RGS17: variants seen among roughly 807,000 people sequenced by gnomAD.
The protein encoded by RGS17 is regulator of G-protein signaling 17.
In RGS17, 12 loss-of-function variants were observed where a neutral mutation model predicts 25.5. The observed-to-expected ratio is 0.47, with a 90% CI of 0.30 to 0.76. The LOEUF is 0.76. Among genes scored for constraint, RGS17 ranks in the 30% least tolerant of loss-of-function variants. The probability of loss-of-function intolerance (pLI) is 0.07; values close to 1 mark genes in which losing one functional copy is unlikely to be tolerated. For missense variants in RGS17, 196 were observed against 242.2 expected, an observed-to-expected ratio of 0.81 and a Z score of 1.27; for synonymous variants, 71 against 76.9, an observed-to-expected ratio of 0.92 and a Z score of 0.40.
chr6:153,011,609 C>G lies in RGS17; in HGVS notation c.598G>C (p.Val200Leu), dbSNP rs149975740. 5.6e-6 allele frequency: 9 copies of G among 1,610,802 alleles called. No homozygotes were observed. Among genetic ancestry groups the G allele is most frequent in the Non-Finnish European group, 7.6e-6 (9 of 1,178,316 alleles). Residue 200 changes from valine (V) to leucine (L), a missense_variant, in exon 5 of 5, where the codon GTT becomes CTT. By Grantham distance (32) the Val-to-Leu change is conservative. Coordinates refer to ENST00000206262, the MANE Select transcript of RGS17 (RefSeq NM_012419.5). ...FLNSQIYKSF[V>L]ESTAGSSSES ...GAAGAAGAGCCAGCAGTACTTTCAA[C>G]AAATGACTTATAAATTTGAGAGTTC... is the stretch of plus-strand genomic sequence containing the variant.
At chr6:153,094,500 C>G (rs1777179447) in intron 1 of RGS17, among the ~76,000 whole-genome samples, 1 of 152,102 alleles carries the variant, frequency 6.6e-6, no homozygotes, top group Non-Finnish European at 1.5e-5. Context: ...TTTTCTCTAC[C>G]TAATTTCCAT....
intron 1 of RGS17, among the ~76,000 whole-genome samples, chr6:153,081,170 T>C (rs1776973911): frequency 6.6e-6 from 1 of 152,138 alleles, no homozygotes; most frequent in South Asian, 2.1e-4. Context: ...TTCTACTTGT[T>C]CTACCAATTA....
chr6:153,102,324 T>C (rs1319263899), intron 1 of RGS17, among the ~76,000 whole-genome samples: 3 of 152,246 alleles, frequency 2.0e-5, no homozygotes, highest in Non-Finnish European at 2.9e-5. Context: ...CATGTATGTA[T>C]GTAAGTGAAC....
chr6:153,066,496 G>A (rs542457544), intron 1 of RGS17, among the ~76,000 whole-genome samples: 2 of 152,132 alleles, frequency 1.3e-5, no homozygotes, highest in Non-Finnish European at 1.5e-5. Flanking sequence ...TCCATTCCAT[G>A]AGGCCAGTAT....
intron 1 of RGS17, among the ~76,000 whole-genome samples, chr6:153,067,717 T>G (rs1016975139): frequency 6.6e-6 from 1 of 152,186 alleles, no homozygotes; most frequent in African/African-American, 2.4e-5. Flanking sequence ...TCAATATTGT[T>G]AAAATGTCCA....
chr6:153,104,973 T>C (rs1777358395), intron 1 of RGS17, among the ~76,000 whole-genome samples: 1 of 152,190 alleles, frequency 6.6e-6, no homozygotes, highest in Non-Finnish European at 1.5e-5. Context: ...GTGAATGTCC[T>C]GGCTCATTAT....
intron 1 of RGS17, among the ~76,000 whole-genome samples, chr6:153,067,380 T>C (rs1776725600): frequency 6.6e-6 from 1 of 152,104 alleles, no homozygotes; most frequent in African/African-American, 2.4e-5. Context: ...TTTTCCTTGT[T>C]TGCAGACGAT....
intron 1 of RGS17, among the ~76,000 whole-genome samples, chr6:153,067,159 T>C (rs1246410514): frequency 6.6e-6 from 1 of 152,036 alleles, no homozygotes; most frequent in African/African-American, 2.4e-5. Flanking sequence ...AGAAGAAACA[T>C]ACTTCAACAT....
chr6:153,061,290 G>A (rs1292007031), intron 1 of RGS17, among the ~76,000 whole-genome samples: 1 of 152,116 alleles, frequency 6.6e-6, no homozygotes, highest in Non-Finnish European at 1.5e-5. Context: ...CCTTTAGAAT[G>A]GCCCTATTAC....
In RGS17 at chr6:153,008,459, A is replaced by G. The variant is rs955767937; in HGVS notation, c.*3115T>C. On this transcript the variant is annotated 3_prime_UTR_variant, in exon 5 of 5. Coordinates refer to ENST00000206262, the MANE Select transcript of RGS17 (RefSeq NM_012419.5). ...CAGAGCATCTCTACTACCTTTGGAT[A>G]ACATCATAACAGCCCGAGTAAAGAA... 3 of 152,214 alleles carry G rather than the reference A, an allele frequency of 2.0e-5. No homozygotes were observed. In the East Asian group the frequency reaches 5.8e-4, roughly 29 times the overall value. 9.4% of individuals were successfully genotyped at this position (152,214 alleles called of 1,614,324 possible).
chr6:153,053,147 G>A (rs1373292334), intron 1 of RGS17, among the ~76,000 whole-genome samples: 1 of 152,100 alleles, frequency 6.6e-6, no homozygotes. Flanking sequence ...ATTTTTCCAG[G>A]AATGAATTTT....
chr6:153,104,503 G>A (rs1236779775), intron 1 of RGS17, among the ~76,000 whole-genome samples: 3 of 152,200 alleles, frequency 2.0e-5, no homozygotes, highest in Admixed American at 6.5e-5. Context: ...GAACATGGAC[G>A]TAAAGATAAT....
At position 153,009,437 on chromosome 6, in the gene RGS17, G is replaced by C. The variant is rs1305012262; in HGVS notation, c.*2137C>G. ...GCAAGAAAAAAATTAAATAATTTAG[G>C]AACAATAGAACTTCACAATAGAAGT... is the stretch of plus-strand genomic sequence containing the variant. On this transcript the variant is annotated 3_prime_UTR_variant, in exon 5 of 5. Coordinates refer to ENST00000206262, the MANE Select transcript of RGS17 (RefSeq NM_012419.5). The C allele has an allele frequency of 6.6e-6, 1 of 151,830 alleles. No homozygotes were observed. The highest frequency in any genetic ancestry group is 1.9e-4 in the East Asian group (1 of 5,188). 9.4% of individuals were successfully genotyped at this position (151,830 alleles called of 1,614,324 possible).
chr6:153,038,551 G>A (rs995970445), intron 2 of RGS17, among the ~76,000 whole-genome samples: 2 of 152,304 alleles, frequency 1.3e-5, no homozygotes, highest in African/African-American at 4.8e-5. Flanking sequence ...CAGGAATAAC[G>A]TATTCTGCCA....
intron 1 of RGS17, among the ~76,000 whole-genome samples, chr6:153,075,057 T>C (rs1397021292): frequency 2.0e-5 from 3 of 152,218 alleles, no homozygotes; most frequent in Non-Finnish European, 4.4e-5. Context: ...TATGAAATGA[T>C]GAGTAAGAAA....
chr6:153,037,470 G>A (rs1018628730), intron 2 of RGS17, among the ~76,000 whole-genome samples: 5 of 149,824 alleles, frequency 3.3e-5, no homozygotes, highest in Non-Finnish European at 5.9e-5. Context: ...CTGTTGCCCA[G>A]GCTGGAGTGC....
chr6:153,044,694 G>A (rs916392510), intron 1 of RGS17, among the ~76,000 whole-genome samples: 5 of 152,078 alleles, frequency 3.3e-5, no homozygotes, highest in East Asian at 1.9e-4. Context: ...TTTATTTAAC[G>A]GAGAGTTGGG....
Position 153,008,357 on chromosome 6 carries a change from T to C in RGS17, c.*3217A>G, listed in dbSNP as rs1454402962. On this transcript the variant is annotated 3_prime_UTR_variant, in exon 5 of 5. Transcript: ENST00000206262. ...AAAAAAAAAACATCACATTATGGTCTTGACTTCTGCATTTCGTAACTTTAG... is the reference window on the plus strand; with the variant it reads ...AAAAAAAAAACATCACATTATGGTCCTGACTTCTGCATTTCGTAACTTTAG... The C allele has an allele frequency of 6.6e-6, 1 of 152,210 alleles. No individual in the cohort carries two copies. The highest frequency in any genetic ancestry group is 1.9e-4 in the East Asian group (1 of 5,206). 9.4% of individuals were successfully genotyped at this position (152,210 alleles called of 1,614,324 possible). A position where few individuals can be genotyped will look rare whatever the true frequency, so the allele number is the denominator to read the frequency against.
chr6:153,083,329 G>T (rs1777009285), intron 1 of RGS17, among the ~76,000 whole-genome samples: 1 of 152,110 alleles, frequency 6.6e-6, no homozygotes, highest in African/African-American at 2.4e-5. Context: ...TAACTTTCAG[G>T]AAATAGAGTA....
Sources: gnomAD v4.1 joint callset for allele counts (sites outside exome capture counted in the v4.1 genomes callset) on GRCh38, gnomAD v4.1.1 for gene constraint, MANE v1.5 for transcripts, NCBI Gene and HGNC (gene_info 2026-07-23, HGNC 2026-07-21) for gene names.